The following CXXC4 variants were observed in gnomAD, a reference collection of about 807,000 sequenced individuals.
CXXC4 encodes the protein CXXC finger protein 4, also known as CXXC-type zinc finger protein 4.
Under a neutral mutation model 20.5 loss-of-function variants are expected in CXXC4, and 5 were observed. The observed-to-expected ratio is 0.24, with a 90% CI of 0.13 to 0.51. The LOEUF (loss-of-function observed/expected upper bound fraction) is 0.51, where lower values mean the gene tolerates loss of function less well. Ranked by LOEUF, CXXC4 falls within the 20% of genes least tolerant of loss-of-function variation. CXXC4 has a pLI of 0.97. For synonymous variants in CXXC4, 250 were observed against 216.4 expected (o/e 1.16, Z -1.36); for missense variants, 419 against 496.4 (o/e 0.84, Z 1.48).
At position 104,490,953 on chromosome 4, in the gene CXXC4, G is replaced by A; in HGVS notation, c.850C>T (p.His284Tyr). The change falls in exon 2 of 3, where the codon CAT becomes TAT. Residue 284 changes from histidine (H) to tyrosine (Y), a missense_variant. His to Tyr is a moderately conservative substitution (Grantham distance 83). This residue lies in a region of CXXC4 where 388 missense variants were observed against 416.0 expected (regional missense o/e 0.93). Transcript: ENST00000394767. ...IANLADCPQNHSSSSSSSSGG... is the reference protein window; with the variant it reads ...IANLADCPQNYSSSSSSSSGG... The stretch of plus-strand genomic sequence containing the variant: ...GAGGAGGACGAGGAGGAGGAGGAAT[G>A]ATTCTGCGGGCAGTCTGCCAGATTG... 1 of 1,613,872 alleles carries A rather than the reference G, an allele frequency of 6.2e-7. No homozygotes were observed. Among genetic ancestry groups the A allele is most frequent in the South Asian group, 1.1e-5 (1 of 91,058 alleles).
At chr4:104,488,603 T>G (rs1473413436) in intron 2 of CXXC4, among the ~76,000 whole-genome samples, 4 of 152,222 alleles carry the variant, frequency 2.6e-5, no homozygotes, top group African/African-American at 9.6e-5. Context: ...CAGCTTCTTA[T>G]TCTACCCATA....
intron 2 of CXXC4, among the ~76,000 whole-genome samples, chr4:104,479,764 TCCTTCCTTCCCTCCCTC>T (rs1367344882): frequency 1.4e-5 from 2 of 146,064 alleles, no homozygotes. Context: ...CTCCCTCCCT[TCCTTCCTTCCCTCCCTC>T]CCTCCCTCTG....
rs1736885123 is a variant in CXXC4 at position 104,491,717 on chromosome 4, A to G, written c.86T>C (p.Leu29Pro). Residue 29 changes from leucine (L) to proline (P), a missense_variant, in exon 2 of 3, where the codon CTG becomes CCG. Physicochemically the swap from Leu to Pro is moderately conservative, Grantham distance 98. This residue lies in a region of CXXC4 where 388 missense variants were observed against 416.0 expected (regional missense o/e 0.93). Coordinates refer to ENST00000394767, the MANE Select transcript of CXXC4 (RefSeq NM_025212.4). ...PKESHLPEGA[L>P]NSLVDYNSEM... is the part of the protein sequence containing the mutation. ...CGAGTTGTAATCCACAAGGCTGTTC[A>G]GAGCCCCCTCGGGCAAGTGGCTTTC... The G allele has an allele frequency of 6.5e-7, 1 of 1,545,066 alleles. No homozygotes were observed. Among genetic ancestry groups the G allele is most frequent in the Non-Finnish European group, 8.7e-7 (1 of 1,144,498 alleles).
At chr4:104,493,078 A>C (rs906031246) in intron 1 of CXXC4, among the ~76,000 whole-genome samples, 1 of 151,934 alleles carries the variant, frequency 6.6e-6, no homozygotes, top group Non-Finnish European at 1.5e-5. Context: ...GTTCTTTGCC[A>C]GAGAAAAATA....
At chr4:104,482,747 T>C (rs1257208170) in intron 2 of CXXC4, among the ~76,000 whole-genome samples, 3 of 152,166 alleles carry the variant, frequency 2.0e-5, no homozygotes, top group Admixed American at 6.5e-5. Flanking sequence ...ATCTATCTTC[T>C]GTGGCATTTG....
rs1473052300 is a variant in CXXC4, at chr4:104,470,176, A to AC, written c.*2145_*2146insG. The stretch of plus-strand genomic sequence containing the variant: ...TAAAATAATGGAAAAGGAAAAAAAA[A>AC]AAAAAACTCATACAGCTCTCATTGG... On this transcript the variant is annotated 3_prime_UTR_variant, in exon 3 of 3. Coordinates refer to ENST00000394767, the MANE Select transcript of CXXC4 (RefSeq NM_025212.4). 1 of 112,070 alleles carries AC rather than the reference A, an allele frequency of 8.9e-6. No individual in the cohort carries two copies. Among genetic ancestry groups the AC allele is most frequent in the African/African-American group, 2.6e-5 (1 of 39,046 alleles). 6.9% of individuals were successfully genotyped at this position (112,070 alleles called of 1,614,324 possible).
At chr4:104,473,109 G>A (rs892730549) in intron 2 of CXXC4, among the ~76,000 whole-genome samples, 3 of 150,392 alleles carry the variant, frequency 2.0e-5, no homozygotes, top group African/African-American at 7.5e-5. Context: ...TCAAAATTCA[G>A]TTAAGTAATT....
rs948693175 is a variant in CXXC4, at chr4:104,491,806, G to A, written c.-4C>T. On this transcript the variant is annotated 5_prime_UTR_variant, in exon 2 of 3. Transcript: ENST00000394767. ...CCACGCAGACATTGGTGTTCATGGT[G>A]CAGGGGGGGAAGAAGGGGTGCAGGG... is the stretch of plus-strand genomic sequence containing the variant. The A allele has an allele frequency of 8.4e-6, 12 of 1,436,712 alleles. No individual in the cohort carries two copies. In the African/African-American group the frequency reaches 1.0e-4, roughly 12 times the overall value. The allele number at this position is 1,436,712 out of a possible 1,614,324, so 89.0% of individuals were successfully genotyped here.
chr4:104,484,796 C>T (rs1488452319), intron 2 of CXXC4, among the ~76,000 whole-genome samples: 2 of 151,946 alleles, frequency 1.3e-5, no homozygotes, highest in Admixed American at 6.6e-5. Flanking sequence ...TATGGTACAA[C>T]ATAACTCAAT....
In CXXC4 at chr4:104,469,942, C is replaced by A. The variant is rs747650253; in HGVS notation, c.*2380G>T. The A allele has an allele frequency of 6.6e-6, 1 of 151,854 alleles. No homozygotes were observed. Among genetic ancestry groups the A allele is most frequent in the Non-Finnish European group, 1.5e-5 (1 of 67,902 alleles). 9.4% of individuals were successfully genotyped at this position (151,854 alleles called of 1,614,324 possible). ...AAACAAAAGCACACCAAGACATGCA[C>A]TACTAGAATGTATTTTAGACTCTCA... On this transcript the variant is annotated 3_prime_UTR_variant, in exon 3 of 3. Coordinates refer to ENST00000394767, the MANE Select transcript of CXXC4 (RefSeq NM_025212.4).
intron 2 of CXXC4, among the ~76,000 whole-genome samples, chr4:104,483,314 T>C (rs1736602013): frequency 1.3e-5 from 2 of 151,956 alleles, no homozygotes; most frequent in African/African-American, 2.4e-5. Context: ...CATAATTCCA[T>C]CTTGTCAAAG....
At chr4:104,484,916 A>G (rs1736644215) in intron 2 of CXXC4, among the ~76,000 whole-genome samples, 1 of 152,010 alleles carries the variant, frequency 6.6e-6, no homozygotes, top group Non-Finnish European at 1.5e-5. Context: ...GATATGACTC[A>G]AGGATAAAAT....
intron 2 of CXXC4, among the ~76,000 whole-genome samples, chr4:104,475,845 G>A (rs1350176950): frequency 6.6e-6 from 1 of 152,014 alleles, no homozygotes; most frequent in Non-Finnish European, 1.5e-5. Flanking sequence ...GAAGGGGGTG[G>A]GGAGGTAAAG....
chr4:104,491,043 T>G lies in CXXC4; in HGVS notation c.760A>C (p.Met254Leu), dbSNP rs1239130383. Residue 254 changes from methionine (M) to leucine (L), a missense_variant, in exon 2 of 3, where the codon ATG (methionine) becomes CTG (leucine). Transcript: ENST00000394767. ...GISLPPGVIV[M>L]TALHSPAAAS... ...GCTGCGGGGGAGTGAAGGGCTGTCA[T>G]GACGATGACCCCTGGAGGTAATGAG... The G allele has an allele frequency of 6.2e-7, 1 of 1,613,926 alleles. No homozygotes were observed. Among genetic ancestry groups the G allele is most frequent in the Admixed American group, 1.7e-5 (1 of 60,006 alleles).
chr4:104,491,328 C>G lies in CXXC4; in HGVS notation c.475G>C (p.Gly159Arg). ...SSAILPAGGG[G>R]GGGGGGSRTS... is the part of the protein sequence containing the mutation. ...CTGCTGCCGCCGCCGCCGCCGCCGC[C>G]GCCACCGCCGGCGGGGAGGATCGCC... The change falls in exon 2 of 3, where the codon GGC becomes CGC. Residue 159 changes from glycine (G) to arginine (R), a missense_variant. By Grantham distance (125) the Gly-to-Arg change is moderately radical (BLOSUM62 -2). Coordinates refer to ENST00000394767, the MANE Select transcript of CXXC4 (RefSeq NM_025212.4). 1 of 1,552,538 alleles carries G rather than the reference C, an allele frequency of 6.4e-7. No homozygotes were observed. The highest frequency in any genetic ancestry group is 8.7e-7 in the Non-Finnish European group (1 of 1,152,216).
At position 104,491,560 on chromosome 4, in the gene CXXC4, GGCGGCC is replaced by G; in HGVS notation, c.237_242del (p.Ala81_Ala82del). 2 of 1,504,758 alleles carry G rather than the reference GGCGGCC, an allele frequency of 1.3e-6. No homozygotes were observed. The highest frequency in any genetic ancestry group is 1.8e-6 in the Non-Finnish European group (2 of 1,125,906). 93.2% of individuals were successfully genotyped at this position (1,504,758 alleles called of 1,614,324 possible). On this transcript the variant is annotated inframe_deletion, in exon 2 of 3. Transcript: ENST00000394767. ...TCCAGGGGGACATGCCGATGCGCGC[GGCGGCC>G]GCGGCGGCGGCGGCGCTGCTGGGGA...
At position 104,491,304 on chromosome 4, in the gene CXXC4, T is replaced by TGCTGCC. The variant is rs762631698; in HGVS notation, c.493_498dup (p.Gly165_Ser166dup). 2.6e-4 allele frequency: 414 copies of TGCTGCC among 1,580,852 alleles called. 1 individual carries two copies. The African/African-American group carries it at 4.8e-3, about 18-fold the overall frequency. The stretch of plus-strand genomic sequence containing the variant: ...TCGTTTCGGTGGTGCATGCTGGTCC[T>TGCTGCC]GCTGCCGCCGCCGCCGCCGCCGCCG... On this transcript the variant is annotated inframe_insertion, in exon 2 of 3. Coordinates refer to ENST00000394767, the MANE Select transcript of CXXC4 (RefSeq NM_025212.4).
intron 1 of CXXC4, among the ~76,000 whole-genome samples, chr4:104,493,483 C>G (rs1736959096): frequency 6.6e-6 from 1 of 152,088 alleles, no homozygotes; most frequent in African/African-American, 2.4e-5. Flanking sequence ...ACCAGTTATG[C>G]CCAAACTCCA....
intron 2 of CXXC4, among the ~76,000 whole-genome samples, chr4:104,480,148 G>C (rs1206405466): frequency 1.3e-5 from 2 of 151,904 alleles, no homozygotes; most frequent in Admixed American, 6.6e-5. Context: ...TTTCTCCTCA[G>C]GAAGTTTTCA....
Sources: gnomAD v4.1 joint callset for allele counts (sites outside exome capture counted in the v4.1 genomes callset) on GRCh38, gnomAD v4.1.1 for gene constraint, gnomAD v4.1.1 regional missense constraint, MANE v1.5 for transcripts, NCBI Gene and HGNC (gene_info 2026-07-23, HGNC 2026-07-21) for gene names.